The following WWOX variants were observed in gnomAD, a reference collection of about 807,000 sequenced individuals.
The protein encoded by WWOX is WW domain-containing oxidoreductase.
In WWOX, 69 loss-of-function variants were observed where a neutral mutation model predicts 46.2. The observed-to-expected ratio is 1.49, with a 90% CI of 1.23 to 1.82. WWOX has a LOEUF of 1.82. Ranked by LOEUF, WWOX falls within the 40% of genes most tolerant of loss-of-function variation. The probability of loss-of-function intolerance (pLI) is 0.00; values close to 1 mark genes in which losing one functional copy is unlikely to be tolerated. For synonymous variants in WWOX, 359 were observed against 202.6 expected (o/e 1.77, Z -6.56); for missense variants, 919 against 542.6 (o/e 1.69, Z -6.89).
At chr16:79,147,120 T>C (rs903075922) in intron 8 of WWOX, among the ~76,000 whole-genome samples, 1 of 152,194 alleles carries the variant, frequency 6.6e-6, no homozygotes, top group East Asian at 1.9e-4. Context: ...TGTGTCTGTG[T>C]CTACATATGT....
chr16:78,144,201 C>A lies in WWOX; in HGVS notation c.410-19982C>A, dbSNP rs188908422. 1.6e-4 allele frequency among the ~76,000 whole-genome samples: 25 copies of A among 151,544 alleles called. No homozygotes were observed. The East Asian group carries it at 4.9e-3, about 30-fold the overall frequency. On this transcript the variant is annotated intron_variant, in intron 4 of 8. Coordinates refer to ENST00000566780, the MANE Select transcript of WWOX (RefSeq NM_016373.4). ...ATTACAAGCTGTTTTAAATAGTTTT[C>A]GGTAGTGGCTGGGGCACTAATGATT...
intron 8 of WWOX, among the ~76,000 whole-genome samples, chr16:79,178,182 A>C (rs1356847836): frequency 6.6e-6 from 1 of 152,236 alleles, no homozygotes; most frequent in Non-Finnish European, 1.5e-5. Context: ...TAGCACTATC[A>C]TAGTGCAAAA....
At chr16:78,107,806 TA>T (rs1285978218) in intron 1 of WWOX, among the ~76,000 whole-genome samples, 1 of 152,136 alleles carries the variant, frequency 6.6e-6, no homozygotes, top group Non-Finnish European at 1.5e-5. Context: ...CCTGATTCTT[TA>T]AAAAGAAACA....
intron 8 of WWOX, among the ~76,000 whole-genome samples, chr16:78,722,498 C>G (rs1489716102): frequency 1.3e-5 from 2 of 152,106 alleles, no homozygotes; most frequent in East Asian, 1.9e-4. Context: ...GTAGTGGTAT[C>G]TGTTGTGATT....
chr16:79,210,713 A>G (rs8045652), intron 8 of WWOX, among the ~76,000 whole-genome samples: 458 of 152,224 alleles, frequency 3.0e-3, no homozygotes, highest in African/African-American at 0.01. Context: ...TATTATTTTT[A>G]ATTATGGCTT....
At chr16:78,249,064 A>G (rs997036553) in intron 5 of WWOX, among the ~76,000 whole-genome samples, 1 of 152,014 alleles carries the variant, frequency 6.6e-6, no homozygotes, top group Admixed American at 6.6e-5. Flanking sequence ...TCACCAGGCC[A>G]GACTGGTCTT....
intron 5 of WWOX, among the ~76,000 whole-genome samples, chr16:78,367,637 G>C (rs918020643): frequency 1.3e-5 from 2 of 152,150 alleles, no homozygotes; most frequent in African/African-American, 4.8e-5. Context: ...CCTGGGCTCA[G>C]GGATAATTTC....
chr16:78,695,961 G>T (rs1451679926), intron 8 of WWOX, among the ~76,000 whole-genome samples: 1 of 152,186 alleles, frequency 6.6e-6, no homozygotes, highest in Non-Finnish European at 1.5e-5. Context: ...TAGAGATGCA[G>T]ATCTTGGGCC....
At chr16:78,733,175 G>A (rs1597510361) in intron 8 of WWOX, among the ~76,000 whole-genome samples, 1 of 152,160 alleles carries the variant, frequency 6.6e-6, no homozygotes, top group African/African-American at 2.4e-5. Flanking sequence ...TATTTATAAA[G>A]AAGATTCTAT....
intron 5 of WWOX, among the ~76,000 whole-genome samples, chr16:78,230,209 C>T (rs934632926): frequency 1.3e-5 from 2 of 152,086 alleles, no homozygotes; most frequent in Admixed American, 6.6e-5. Flanking sequence ...TCTTTCAATC[C>T]ATCTAATACG....
chr16:78,620,831 C>T (rs759299149), intron 8 of WWOX, among the ~76,000 whole-genome samples: 6 of 152,028 alleles, frequency 3.9e-5, no homozygotes, highest in Non-Finnish European at 8.8e-5. Context: ...ATATGGATTT[C>T]TTCCTCAGTT....
chr16:79,095,090 A>G (rs368075563), intron 8 of WWOX, among the ~76,000 whole-genome samples: 23 of 152,292 alleles, frequency 1.5e-4, no homozygotes, highest in African/African-American at 7.2e-5. Flanking sequence ...TCTCTGCCCC[A>G]GCCCCGTTCT....
intron 8 of WWOX, among the ~76,000 whole-genome samples, chr16:78,507,210 C>T (rs2085230342): frequency 6.6e-6 from 1 of 152,112 alleles, no homozygotes; most frequent in Non-Finnish European, 1.5e-5. Context: ...TGTGTGCTGA[C>T]TATATTTAAA....
intron 8 of WWOX, among the ~76,000 whole-genome samples, chr16:78,952,068 C>A (rs1193573176): frequency 6.6e-6 from 1 of 152,122 alleles, no homozygotes; most frequent in Non-Finnish European, 1.5e-5. Context: ...CTAATCATAA[C>A]CTACAATCCC....
At chr16:78,463,254 G>A (rs2083995618) in intron 8 of WWOX, among the ~76,000 whole-genome samples, 1 of 152,218 alleles carries the variant, frequency 6.6e-6, no homozygotes, top group Admixed American at 6.5e-5. Context: ...CACTGCGCAT[G>A]TTGGAGGTGC....
At position 79,121,851 on chromosome 16, in the gene WWOX, A is replaced by G. The variant is rs962607299; in HGVS notation, c.1057-89757A>G. Among the ~76,000 whole-genome samples the G allele has an allele frequency of 3.9e-5, 6 of 152,116 alleles. No individual in the cohort carries two copies. In the East Asian group the frequency reaches 5.8e-4, roughly 15 times the overall value. ...AACCAAACATTGGGATATTAAAACAATTCGTTCTCAGCATCAGAAAAGAGG... is the reference window on the plus strand; with the variant it reads ...AACCAAACATTGGGATATTAAAACAGTTCGTTCTCAGCATCAGAAAAGAGG... On this transcript the variant is annotated intron_variant, in intron 8 of 8. Transcript: ENST00000566780.
intron 8 of WWOX, among the ~76,000 whole-genome samples, chr16:78,874,673 A>C (rs1404011047): frequency 6.7e-6 from 1 of 148,322 alleles, no homozygotes; most frequent in Non-Finnish European, 1.5e-5. Context: ...CTGTGACCAG[A>C]AGATTTTTTT....
At chr16:78,434,322 G>A (rs56120122) in intron 8 of WWOX, among the ~76,000 whole-genome samples, 6,379 of 152,256 alleles carry the variant, frequency 0.042, 188 homozygotes, top group South Asian at 0.15. Flanking sequence ...AAACTTACCT[G>A]TAGGTGGATC....
At chr16:78,861,450 A>G (rs1311151526) in intron 8 of WWOX, among the ~76,000 whole-genome samples, 1 of 152,212 alleles carries the variant, frequency 6.6e-6, no homozygotes. Flanking sequence ...AGATTCAGTA[A>G]TTATTACATG....
Sources: gnomAD v4.1 joint callset for allele counts (sites outside exome capture counted in the v4.1 genomes callset) on GRCh38, gnomAD v4.1.1 for gene constraint, MANE v1.5 for transcripts, NCBI Gene and HGNC (gene_info 2026-07-23, HGNC 2026-07-21) for gene names.